RBMS3: variants seen among roughly 807,000 people sequenced by gnomAD.
RBMS3 encodes RNA binding motif single stranded interacting protein 3.
In RBMS3, 27 loss-of-function variants were observed where a neutral mutation model predicts 66.8. The observed-to-expected ratio is 0.40, with a 90% CI of 0.30 to 0.56. The LOEUF (loss-of-function observed/expected upper bound fraction) is 0.56. Ranked by LOEUF, RBMS3 falls within the 20% of genes least tolerant of loss-of-function variation. The probability of loss-of-function intolerance (pLI) is 0.40; values close to 1 mark genes in which losing one functional copy is unlikely to be tolerated. For synonymous variants in RBMS3, 188 were observed against 183.0 expected, an observed-to-expected ratio of 1.03 and a Z score of -0.22; for missense variants, 513 against 549.5, an observed-to-expected ratio of 0.93 and a Z score of 0.66.
At chr3:29,756,059 T>C (rs1022965732) in intron 5 of RBMS3, among the ~76,000 whole-genome samples, 1 of 152,218 alleles carries the variant, frequency 6.6e-6, no homozygotes, top group African/African-American at 2.4e-5. Context: ...GTAGGAATAA[T>C]GGCAAAGTGG....
intron 1 of RBMS3, among the ~76,000 whole-genome samples, chr3:29,289,246 G>A (rs2032620632): frequency 1.3e-5 from 2 of 151,900 alleles, no homozygotes; most frequent in Admixed American, 6.6e-5. Context: ...TTACTGAACT[G>A]TTAAGAGAAG....
intron 6 of RBMS3, chr3:29,765,734 G>A (rs1379514416): frequency 6.6e-6 from 1 of 151,854 alleles, no homozygotes; most frequent in African/African-American, 2.4e-5. Flanking sequence ...TCTCATACTA[G>A]GGCCCTATTG....
chr3:29,747,143 C>T (rs2149359758), intron 5 of RBMS3, among the ~76,000 whole-genome samples: 1 of 152,234 alleles, frequency 6.6e-6, no homozygotes, highest in Middle Eastern at 3.4e-3. Flanking sequence ...GAAATATAGC[C>T]CAATATCATT....
At chr3:29,455,685 A>G (rs1263493893) in intron 2 of RBMS3, among the ~76,000 whole-genome samples, 1 of 152,164 alleles carries the variant, frequency 6.6e-6, no homozygotes, top group African/African-American at 2.4e-5. Context: ...AAGCTTATCT[A>G]ATACACATAC....
chr3:29,952,130 T>C (rs1695723076), intron 12 of RBMS3, among the ~76,000 whole-genome samples: 1 of 151,772 alleles, frequency 6.6e-6, no homozygotes, highest in African/African-American at 2.4e-5. Context: ...ATGAGTGTGG[T>C]GATTATATGC....
At chr3:29,800,592 A>T (rs1047049693) in intron 6 of RBMS3, among the ~76,000 whole-genome samples, 5 of 152,184 alleles carry the variant, frequency 3.3e-5, no homozygotes, top group Admixed American at 6.5e-5. Context: ...ATGTACAAGA[A>T]CTATGCTATT....
chr3:29,871,415 C>T (rs2059489000), intron 7 of RBMS3, among the ~76,000 whole-genome samples: 1 of 152,038 alleles, frequency 6.6e-6, no homozygotes, highest in Non-Finnish European at 1.5e-5. Context: ...TGACCCCTTC[C>T]TTCATTCAGT....
chr3:29,754,986 A>G (rs904355261), intron 5 of RBMS3, among the ~76,000 whole-genome samples: 1 of 152,154 alleles, frequency 6.6e-6, no homozygotes, highest in African/African-American at 2.4e-5. Flanking sequence ...TAAATGTTGC[A>G]TATCTCACAT....
rs796545141 is a variant in RBMS3 at position 29,658,590 on chromosome 3, A to G, written c.399+71385A>G. Reference sequence around the variant, plus strand: ...GAAAAAATTACTCTTCGTGATGCAAAATACTTGAGAAATTTCCGTAAGTAA... The same window carrying G: ...GAAAAAATTACTCTTCGTGATGCAAGATACTTGAGAAATTTCCGTAAGTAA... On this transcript the variant is annotated intron_variant, in intron 4 of 14. Transcript: ENST00000383767. Among the ~76,000 whole-genome samples the G allele has an allele frequency of 4.6e-5, 7 of 152,276 alleles. 1 individual carries two copies. Among genetic ancestry groups the G allele is most frequent in the African/African-American group, 1.7e-4 (7 of 41,542 alleles).
intron 2 of RBMS3, among the ~76,000 whole-genome samples, chr3:29,444,079 A>G (rs1325618278): frequency 6.6e-6 from 1 of 152,120 alleles, no homozygotes; most frequent in Non-Finnish European, 1.5e-5. Flanking sequence ...TGGGAGTTTA[A>G]TATCTGATTC....
At chr3:30,003,770 A>T in intron 14 of RBMS3, 86 bp from the exon 15 acceptor site, 2 of 956,138 alleles carry the variant, frequency 2.1e-6, no homozygotes, top group Non-Finnish European at 2.9e-6. Flanking sequence ...GGTATCTTTT[A>T]AAGCTGCCTC....
intron 4 of RBMS3, among the ~76,000 whole-genome samples, chr3:29,701,215 T>C (rs1398132850): frequency 6.6e-6 from 1 of 151,668 alleles, no homozygotes; most frequent in African/African-American, 2.4e-5. Context: ...AGGCAGAGGT[T>C]GCAGTGAGCT....
chr3:29,956,658 A>G (rs886899998), intron 12 of RBMS3, among the ~76,000 whole-genome samples: 1 of 152,146 alleles, frequency 6.6e-6, no homozygotes, highest in Non-Finnish European at 1.5e-5. Flanking sequence ...ATTTAAAAGT[A>G]TCTCTTCCAG....
chr3:29,684,001 G>A (rs2051608722), intron 4 of RBMS3, among the ~76,000 whole-genome samples: 1 of 152,126 alleles, frequency 6.6e-6, no homozygotes, highest in South Asian at 2.1e-4. Context: ...GTCCAGGAAA[G>A]GTGTGACTAG....
intron 1 of RBMS3, among the ~76,000 whole-genome samples, chr3:29,354,981 A>C (rs1192069226): frequency 6.6e-6 from 1 of 152,144 alleles, no homozygotes; most frequent in Non-Finnish European, 1.5e-5. Flanking sequence ...TTGAGGCATA[A>C]GGCATTTGGG....
intron 4 of RBMS3, among the ~76,000 whole-genome samples, chr3:29,659,363 T>C (rs1057218606): frequency 3.9e-5 from 6 of 152,188 alleles, no homozygotes; most frequent in Non-Finnish European, 8.8e-5. Context: ...TAAAACTCCA[T>C]ACCCATTGAA....
intron 3 of RBMS3, among the ~76,000 whole-genome samples, chr3:29,552,008 T>TA (rs3836339): frequency 0.54 from 81,857 of 151,166 alleles, 22,795 homozygotes; most frequent in African/African-American, 0.65. Flanking sequence ...CACAAATGCT[T>TA]AAAAAAAAAG....
At chr3:29,770,301 G>T (rs750092313) in intron 6 of RBMS3, among the ~76,000 whole-genome samples, 1 of 151,888 alleles carries the variant, frequency 6.6e-6, no homozygotes, top group African/African-American at 2.4e-5. Context: ...GCATAATATT[G>T]TTGCTCATTT....
intron 4 of RBMS3, among the ~76,000 whole-genome samples, chr3:29,649,956 G>A (rs371242866): frequency 6.6e-6 from 1 of 152,040 alleles, no homozygotes; most frequent in Non-Finnish European, 1.5e-5. Flanking sequence ...GTGTCACATC[G>A]CACAAGGCCA....
Sources: gnomAD v4.1 joint callset for allele counts (sites outside exome capture counted in the v4.1 genomes callset) on GRCh38, gnomAD v4.1.1 for gene constraint, MANE v1.5 for transcripts, NCBI Gene and HGNC (gene_info 2026-07-23, HGNC 2026-07-21) for gene names.